The following ENOX2 variants were observed in gnomAD, a reference collection of about 807,000 sequenced individuals.
ENOX2 encodes ecto-NOX disulfide-thiol exchanger 2, also known as APK1 antigen.
Under a neutral mutation model 45.0 loss-of-function variants are expected in ENOX2, and 36 were observed. The observed-to-expected ratio is 0.80, with a 90% confidence interval of 0.61 to 1.06. ENOX2 has a LOEUF of 1.06. Ranked by LOEUF, ENOX2 falls within the 50% of genes least tolerant of loss-of-function variation. ENOX2 has a pLI of 0.00. For synonymous variants in ENOX2, 174 were observed against 152.3 expected, an observed-to-expected ratio of 1.14 and a Z score of -1.05; for missense variants, 423 against 462.5, an observed-to-expected ratio of 0.91 and a Z score of 0.78.
At chrX:130,659,038 T>C (rs1475168150) in intron 9 of ENOX2, among the ~76,000 whole-genome samples, 2 of 112,149 alleles carry the variant, frequency 1.8e-5, no homozygotes, top group African/African-American at 6.5e-5. Flanking sequence ...CTTGCAATCA[T>C]TTAGAGGCCA....
At chrX:130,652,256 G>A (rs1216039656) in intron 10 of ENOX2, among the ~76,000 whole-genome samples, 2 of 111,679 alleles carry the variant, frequency 1.8e-5, no homozygotes, top group African/African-American at 6.5e-5. Context: ...AACCCAATTC[G>A]TTTCTAGTTT....
chrX:130,824,271 C>T (rs775378409), intron 2 of ENOX2, among the ~76,000 whole-genome samples: 1 of 111,851 alleles, frequency 8.9e-6, no homozygotes, highest in South Asian at 3.7e-4. Flanking sequence ...TAGAGTATTG[C>T]TAACTACCTG....
intron 5 of ENOX2, among the ~76,000 whole-genome samples, chrX:130,680,116 C>T (rs1295366447): frequency 8.9e-6 from 1 of 111,854 alleles, no homozygotes; most frequent in Admixed American, 9.5e-5. Flanking sequence ...CTGTTATTTT[C>T]AAGAGTTCTC....
chrX:130,842,388 G>C (rs1020880446), intron 2 of ENOX2, among the ~76,000 whole-genome samples: 2 of 112,134 alleles, frequency 1.8e-5, no homozygotes, highest in Non-Finnish European at 3.8e-5. Flanking sequence ...AAAATGAGAT[G>C]ATTAATTCAA....
intron 3 of ENOX2, among the ~76,000 whole-genome samples, chrX:130,757,765 A>T (rs1391761225): frequency 9.1e-6 from 1 of 109,853 alleles, no homozygotes; most frequent in African/African-American, 3.3e-5. Context: ...ACAGGGTCTC[A>T]CTCGGTTGCC....
intron 2 of ENOX2, among the ~76,000 whole-genome samples, chrX:130,828,073 C>G (rs1322150589): frequency 1.8e-5 from 2 of 112,010 alleles, no homozygotes; most frequent in African/African-American, 6.5e-5. Context: ...TCCCAATATC[C>G]GAGTTGATGC....
intron 2 of ENOX2, among the ~76,000 whole-genome samples, chrX:130,819,228 G>C (rs1403213353): frequency 8.9e-6 from 1 of 111,989 alleles, no homozygotes; most frequent in Non-Finnish European, 1.9e-5. Flanking sequence ...GGAAACGAAA[G>C]ATGCTGGGGA....
chrX:130,645,594 G>A, intron 10 of ENOX2: 1 of 325,068 alleles, frequency 3.1e-6, no homozygotes, highest in Non-Finnish European at 5.3e-6. Context: ...TTTTTAAAAT[G>A]GATCAAAGCA....
intron 2 of ENOX2, among the ~76,000 whole-genome samples, chrX:130,833,150 G>A (rs1355970152): frequency 9.1e-6 from 1 of 110,273 alleles, no homozygotes; most frequent in African/African-American, 3.3e-5. Flanking sequence ...TGCTTTACAT[G>A]TTGATTTGGA....
At chrX:130,692,587 T>G (rs7877614) in intron 4 of ENOX2, among the ~76,000 whole-genome samples, 6,829 of 106,034 alleles carry the variant, frequency 0.064, 580 homozygotes, top group African/African-American at 0.22. Flanking sequence ...TCTGTTTTTT[T>G]TTTTTTTTTT....
intron 3 of ENOX2, among the ~76,000 whole-genome samples, chrX:130,782,513 C>G (rs562404987): frequency 2.7e-5 from 3 of 111,664 alleles, no homozygotes; most frequent in Non-Finnish European, 5.6e-5. Flanking sequence ...TTCCATGTAA[C>G]TAATGTTTTA....
chrX:130,645,508 G>A (rs910800719), intron 10 of ENOX2, among the ~76,000 whole-genome samples: 7 of 112,873 alleles, frequency 6.2e-5, no homozygotes, highest in African/African-American at 2.3e-4. Context: ...TTGTTTACAT[G>A]CCAAATTAAT....
At chrX:130,861,512 G>A (rs766940509) in intron 2 of ENOX2, among the ~76,000 whole-genome samples, 9 of 111,746 alleles carry the variant, frequency 8.1e-5, no homozygotes, top group Admixed American at 5.7e-4. Context: ...GTGACATAAT[G>A]AAATAAGCCA....
chrX:130,681,753 C>T lies in ENOX2; in HGVS notation c.254-2005G>A, dbSNP rs777812748. Among the ~76,000 whole-genome samples, 3 of 111,928 alleles carry T rather than the reference C, an allele frequency of 2.7e-5. No individual in the cohort carries two copies. In the South Asian group the frequency reaches 1.1e-3, roughly 42 times the overall value. On this transcript the variant is annotated intron_variant, in intron 5 of 14. Coordinates refer to ENST00000394363, the MANE Select transcript of ENOX2 (RefSeq NM_006375.4). ...TGTGGCTCAATGCCTAGCACTTGGC[C>T]GGTTCCCAATAAATAGCAGTCATTG...
chrX:130,630,041 C>T (rs1449744063), intron 13 of ENOX2, among the ~76,000 whole-genome samples: 1 of 111,353 alleles, frequency 9.0e-6, no homozygotes, highest in Non-Finnish European at 1.9e-5. Flanking sequence ...ATCATTATGC[C>T]CATTTTGCAG....
intron 2 of ENOX2, among the ~76,000 whole-genome samples, chrX:130,800,791 C>T (rs183582146): frequency 1.3e-3 from 141 of 111,950 alleles, no homozygotes; most frequent in South Asian, 6.4e-3. Flanking sequence ...GGTCATTTTA[C>T]AATTTAGTAA....
intron 4 of ENOX2, among the ~76,000 whole-genome samples, chrX:130,689,278 G>A: frequency 9.0e-6 from 1 of 111,611 alleles, no homozygotes; most frequent in African/African-American, 3.3e-5. Flanking sequence ...TCATAGGATG[G>A]CCATGCCTTG....
At chrX:130,660,284 A>G (rs2036654662) in intron 9 of ENOX2, among the ~76,000 whole-genome samples, 1 of 112,119 alleles carries the variant, frequency 8.9e-6, no homozygotes. Flanking sequence ...GTTATGGAGT[A>G]CTATACTAAA....
chrX:130,898,727 CTTT>C (rs1007829022), intron 2 of ENOX2, among the ~76,000 whole-genome samples: 1 of 103,885 alleles, frequency 9.6e-6, no homozygotes, highest in Non-Finnish European at 2.0e-5. Context: ...TTAAGATGTT[CTTT>C]TTTTTCTTTT....
Sources: allele counts gnomAD v4.1 joint callset (sites outside exome capture counted in the v4.1 genomes callset), GRCh38; gene constraint gnomAD v4.1.1; transcripts MANE v1.5; gene names NCBI Gene and HGNC (gene_info 2026-07-23, HGNC 2026-07-21).